Variants in SKIC3 observed in about 807,000 individuals in gnomAD.
SKIC3 encodes SKI3 subunit of superkiller complex.
the SKIC3 span, among the ~76,000 whole-genome samples, chr5:95,466,491 A>C: frequency 6.6e-6 from 1 of 152,190 alleles, no homozygotes; most frequent in African/African-American, 2.4e-5. Flanking sequence ...CCTAAGAAAA[A>C]ATTGTGCATT....
At chr5:95,523,201 C>T in the SKIC3 span, 66 of 1,613,744 alleles carry the variant, frequency 4.1e-5, no homozygotes, top group Non-Finnish European at 5.4e-5. Context: ...AGGTGCCTTA[C>T]TCAGCCACTG....
chr5:95,540,898 T>C, the SKIC3 span: 1 of 1,489,302 alleles, frequency 6.7e-7, no homozygotes, highest in Non-Finnish European at 9.3e-7. Flanking sequence ...ATGTAAAATC[T>C]GCAAATAAAA....
chr5:95,506,207 G>A, the SKIC3 span, among the ~76,000 whole-genome samples: 2 of 151,944 alleles, frequency 1.3e-5, no homozygotes, highest in Non-Finnish European at 2.9e-5. Context: ...TTCCAATTTT[G>A]GATATAATTC....
At chr5:95,530,258 T>C in the SKIC3 span, 3 of 1,610,950 alleles carry the variant, frequency 1.9e-6, no homozygotes, top group Non-Finnish European at 2.5e-6. Context: ...GTTATTAGTA[T>C]ACATATATCG....
the SKIC3 span, among the ~76,000 whole-genome samples, chr5:95,533,833 T>C: frequency 1.3e-5 from 2 of 152,222 alleles, no homozygotes; most frequent in Non-Finnish European, 2.9e-5. Flanking sequence ...TTGTTGATCC[T>C]ATTTTTTTCT....
the SKIC3 span, among the ~76,000 whole-genome samples, chr5:95,479,287 T>C: frequency 6.6e-6 from 1 of 152,214 alleles, no homozygotes; most frequent in Non-Finnish European, 1.5e-5. Context: ...AGGTTGAAAA[T>C]TGCAAAACAA....
chr5:95,478,234 T>A, the SKIC3 span: 1 of 1,599,166 alleles, frequency 6.3e-7, no homozygotes, highest in South Asian at 1.1e-5. Flanking sequence ...AGCCTTCACG[T>A]CAAAGAAAGA....
the SKIC3 span, among the ~76,000 whole-genome samples, chr5:95,489,317 G>A: frequency 6.6e-6 from 1 of 151,888 alleles, no homozygotes; most frequent in East Asian, 1.9e-4. Context: ...CAATGTATTT[G>A]ATTATGTGTG....
At chr5:95,536,596 C>T in the SKIC3 span, 1 of 493,126 alleles carries the variant, frequency 2.0e-6, no homozygotes, top group East Asian at 3.5e-5. Context: ...CACTGACTAA[C>T]AATAAATCTG....
At chr5:95,491,098 T>C in the SKIC3 span, 5 of 1,601,028 alleles carry the variant, frequency 3.1e-6, no homozygotes, top group Admixed American at 8.4e-5. Flanking sequence ...TTAAAAACTA[T>C]CAAAAATGAG....
the SKIC3 span, chr5:95,498,341 G>A: frequency 1.9e-6 from 3 of 1,599,258 alleles, no homozygotes; most frequent in Non-Finnish European, 2.6e-6. Context: ...AGTATAATTA[G>A]GTTCCAGGTT....
the SKIC3 span, among the ~76,000 whole-genome samples, chr5:95,483,340 G>C: frequency 1.3e-5 from 2 of 151,884 alleles, no homozygotes; most frequent in Non-Finnish European, 2.9e-5. Context: ...TTACTCATTA[G>C]ATCTTAAATG....
chr5:95,502,883 T>C, the SKIC3 span: 5 of 1,613,542 alleles, frequency 3.1e-6, no homozygotes, highest in Non-Finnish European at 4.2e-6. Flanking sequence ...TACATACCAT[T>C]TAAATAGCAA....
chr5:95,550,678 C>A, the SKIC3 span: 2 of 152,518 alleles, frequency 1.3e-5, no homozygotes, highest in South Asian at 4.1e-4. Context: ...AAGTATGAGA[C>A]AATCATATAA....
chr5:95,535,436 G>T, the SKIC3 span, among the ~76,000 whole-genome samples: 2 of 149,352 alleles, frequency 1.3e-5, no homozygotes, highest in East Asian at 4.0e-4. Flanking sequence ...TCAGCCTCCT[G>T]AGTAGCTGGG....
At chr5:95,490,775 G>A in the SKIC3 span, 1 of 1,169,640 alleles carries the variant, frequency 8.5e-7, no homozygotes, top group Non-Finnish European at 1.2e-6. Context: ...TGGGATTACA[G>A]GCGTGAGCCA....
chr5:95,516,656 G>C, the SKIC3 span: 1 of 1,613,118 alleles, frequency 6.2e-7, no homozygotes. Context: ...ATATTGAAGT[G>C]TTACTCAATT....
the SKIC3 span, chr5:95,506,916 G>C: frequency 3.1e-6 from 5 of 1,612,036 alleles, no homozygotes; most frequent in African/African-American, 6.7e-5. Flanking sequence ...AGAATTAATG[G>C]AGAAAAAATA....
the SKIC3 span, chr5:95,541,495 T>C: frequency 3.9e-6 from 4 of 1,014,670 alleles, no homozygotes; most frequent in Non-Finnish European, 4.5e-6. Context: ...TCAGGTACTA[T>C]TTTAAATTAG....
Sources: allele counts gnomAD v4.1 joint callset (sites outside exome capture counted in the v4.1 genomes callset), GRCh38; gene constraint gnomAD v4.1.1; transcripts MANE v1.5; gene names NCBI Gene and HGNC (gene_info 2026-07-23, HGNC 2026-07-21).